NTM: variants seen among roughly 807,000 people sequenced by gnomAD.
The protein encoded by NTM is neurotrimin.
In NTM, 13 loss-of-function variants were observed where a neutral mutation model predicts 42.1. The observed-to-expected ratio is 0.31, with a 90% CI of 0.20 to 0.49. NTM has a LOEUF of 0.49. Among genes scored for constraint, NTM ranks in the 20% least tolerant of loss-of-function variants. The pLI is 0.99. For synonymous variants in NTM, 187 were observed against 179.2 expected (o/e 1.04, Z -0.35); for missense variants, 373 against 452.8 (o/e 0.82, Z 1.60).
chr11:131,611,515 A>C (rs2061464485), intron 1 of NTM, among the ~76,000 whole-genome samples: 1 of 152,224 alleles, frequency 6.6e-6, no homozygotes, highest in African/African-American at 2.4e-5. Flanking sequence ...TGGGACTGAG[A>C]GAACAATAGA....
chr11:132,327,138 T>C (rs2095699951), intron 7 of NTM, among the ~76,000 whole-genome samples: 1 of 152,176 alleles, frequency 6.6e-6, no homozygotes. Context: ...CGGTGATAAA[T>C]AAGGACTCAA....
chr11:132,265,558 T>C (rs1454476491), intron 4 of NTM, among the ~76,000 whole-genome samples: 1 of 152,162 alleles, frequency 6.6e-6, no homozygotes, highest in East Asian at 1.9e-4. Flanking sequence ...AGCACTGATG[T>C]TAATGTAATC....
In NTM at chr11:131,477,681, G is replaced by T. The variant is rs576166681; in HGVS notation, c.82+106793G>T. ...ACTTCATAAAACCATTTACTGATGAGTCTCAAAATACTATTTCCCAGAGAG... is the reference window on the plus strand; with the variant it reads ...ACTTCATAAAACCATTTACTGATGATTCTCAAAATACTATTTCCCAGAGAG... On this transcript the variant is annotated intron_variant, in intron 1 of 8. Transcript: ENST00000683400. 7.2e-5 allele frequency among the ~76,000 whole-genome samples: 11 copies of T among 151,780 alleles called. No individual in the cohort carries two copies. The South Asian group carries it at 1.7e-3, about 23-fold the overall frequency.
At position 131,491,932 on chromosome 11, in the gene NTM, T is replaced by A. The variant is rs79140465; in HGVS notation, c.82+121044T>A. On this transcript the variant is annotated intron_variant, in intron 1 of 8. Transcript: ENST00000683400. ...ACTCATTTTCCTGATTATTTTGTATTCGGCACTAGCTTGAGCACTTTATAT... is the reference window on the plus strand; with the variant it reads ...ACTCATTTTCCTGATTATTTTGTATACGGCACTAGCTTGAGCACTTTATAT... Among the ~76,000 whole-genome samples the A allele has an allele frequency of 3.2e-4, 49 of 152,324 alleles. No homozygotes were observed. In the East Asian group the frequency reaches 8.1e-3, roughly 25 times the overall value.
At chr11:132,225,888 G>A (rs1018914792) in intron 4 of NTM, among the ~76,000 whole-genome samples, 1 of 151,940 alleles carries the variant, frequency 6.6e-6, no homozygotes, top group Non-Finnish European at 1.5e-5. Flanking sequence ...ACAGGCCCTG[G>A]TGTGTGATGT....
At chr11:132,264,477 G>A (rs558571316) in intron 4 of NTM, among the ~76,000 whole-genome samples, 246 of 152,206 alleles carry the variant, frequency 1.6e-3, no homozygotes, top group African/African-American at 5.8e-3. Flanking sequence ...TTATTTTATA[G>A]TATCATTTGT....
chr11:132,214,216 C>T (rs567481485), intron 4 of NTM, among the ~76,000 whole-genome samples: 1 of 152,254 alleles, frequency 6.6e-6, no homozygotes, highest in Non-Finnish European at 1.5e-5. Flanking sequence ...GAAGGAGGGG[C>T]CATTCAGACA....
intron 2 of NTM, among the ~76,000 whole-genome samples, chr11:132,007,133 A>G (rs77855966): frequency 0.05 from 7,640 of 152,318 alleles, 260 homozygotes; most frequent in Non-Finnish European, 0.074. Flanking sequence ...TCTACTGTGA[A>G]TGAGAAATAG....
At chr11:132,319,928 A>G (rs773691282) in intron 7 of NTM, among the ~76,000 whole-genome samples, 2 of 152,188 alleles carry the variant, frequency 1.3e-5, no homozygotes, top group Non-Finnish European at 2.9e-5. Context: ...CTTCCAGAGG[A>G]ACAATCAGGC....
Position 131,593,459 on chromosome 11 carries a change from G to T in NTM, c.82+222571G>T, listed in dbSNP as rs534495840. Among the ~76,000 whole-genome samples, 10 of 152,312 alleles carry T rather than the reference G, an allele frequency of 6.6e-5. 1 individual carries two copies. The highest frequency in any genetic ancestry group is 2.4e-4 in the African/African-American group (10 of 41,560). Reference sequence around the variant, plus strand: ...GGGACTGAGCCTCACCAGGGTCCATGGGCTCAAGGCAACTCTGCCTGTGGA... The same window carrying T: ...GGGACTGAGCCTCACCAGGGTCCATTGGCTCAAGGCAACTCTGCCTGTGGA... On this transcript the variant is annotated intron_variant, in intron 1 of 8. Transcript: ENST00000683400.
intron 1 of NTM, among the ~76,000 whole-genome samples, chr11:131,698,862 A>G (rs2075770643): frequency 6.6e-6 from 1 of 152,186 alleles, no homozygotes; most frequent in Non-Finnish European, 1.5e-5. Context: ...CTTTCCATAA[A>G]GCGTACCTTG....
chr11:131,437,375 A>G (rs934447148), intron 1 of NTM, among the ~76,000 whole-genome samples: 2 of 152,116 alleles, frequency 1.3e-5, no homozygotes, highest in Non-Finnish European at 2.9e-5. Flanking sequence ...TCTAATATTG[A>G]GAGTGGGGTG....
intron 1 of NTM, among the ~76,000 whole-genome samples, chr11:131,498,086 C>A (rs1036317557): frequency 1.3e-5 from 2 of 151,738 alleles, no homozygotes; most frequent in African/African-American, 4.9e-5. Flanking sequence ...GCTCCATCTG[C>A]GAGATGTACC....
At chr11:131,673,530 C>G (rs2070794360) in intron 1 of NTM, among the ~76,000 whole-genome samples, 1 of 152,186 alleles carries the variant, frequency 6.6e-6, no homozygotes, top group African/African-American at 2.4e-5. Flanking sequence ...GTCACCTGCC[C>G]ACCTCTGGAC....
intron 1 of NTM, among the ~76,000 whole-genome samples, chr11:131,552,908 G>A (rs930759834): frequency 2.6e-5 from 4 of 151,972 alleles, no homozygotes; most frequent in East Asian, 1.9e-4. Context: ...TCATTCAACG[G>A]AACGTCAAAC....
intron 4 of NTM, among the ~76,000 whole-genome samples, chr11:132,286,523 CCA>C: frequency 6.6e-6 from 1 of 152,232 alleles, no homozygotes; most frequent in South Asian, 2.1e-4. Context: ...TCCGCCCCCC[CCA>C]CCCAAACACA....
chr11:132,050,382 G>A (rs954412207), intron 2 of NTM, among the ~76,000 whole-genome samples: 1 of 152,110 alleles, frequency 6.6e-6, no homozygotes, highest in Non-Finnish European at 1.5e-5. Context: ...CCACCCCTAC[G>A]AGGATTTTCT....
chr11:131,503,156 T>C (rs1030483666), intron 1 of NTM, among the ~76,000 whole-genome samples: 4 of 152,104 alleles, frequency 2.6e-5, no homozygotes, highest in African/African-American at 9.7e-5. Flanking sequence ...ACAGGAACTC[T>C]CCAGTAAGGG....
At chr11:132,242,967 C>T (rs2090470199) in intron 4 of NTM, among the ~76,000 whole-genome samples, 1 of 152,108 alleles carries the variant, frequency 6.6e-6, no homozygotes, top group South Asian at 2.1e-4. Context: ...AAGGATGTTT[C>T]CCAGCAATAA....
Sources: gnomAD v4.1 joint callset for allele counts (sites outside exome capture counted in the v4.1 genomes callset) on GRCh38, gnomAD v4.1.1 for gene constraint, MANE v1.5 for transcripts, NCBI Gene and HGNC (gene_info 2026-07-23, HGNC 2026-07-21) for gene names.